The following DCAF7 variants were observed in gnomAD, a reference collection of about 807,000 sequenced individuals.
DCAF7 encodes DDB1- and CUL4-associated factor 7.
DCAF7 carries 4 observed loss-of-function variants against 41.2 expected under a neutral mutation model. That is an observed-to-expected ratio of 0.10 (90% CI 0.05 to 0.22). The LOEUF (loss-of-function observed/expected upper bound fraction) is 0.22. Among genes scored for constraint, DCAF7 ranks in the 10% least tolerant of loss-of-function variants. DCAF7 has a pLI of 1.00. For synonymous variants in DCAF7, 143 were observed against 164.2 expected (o/e 0.87, Z 0.99); for missense variants, 131 against 443.2 (o/e 0.30, Z 6.32).
chr17:63,576,885 A>G (rs2033568392), intron 1 of DCAF7, among the ~76,000 whole-genome samples: 1 of 152,246 alleles, frequency 6.6e-6, no homozygotes, highest in Non-Finnish European at 1.5e-5. Flanking sequence ...CTGCACTCGA[A>G]CCAGTGCAAC....
chr17:63,564,108 G>C (rs183591157), intron 1 of DCAF7, among the ~76,000 whole-genome samples: 1 of 149,904 alleles, frequency 6.7e-6, no homozygotes, highest in East Asian at 2.0e-4. Context: ...TGATATCTTG[G>C]GGATGACATA....
At chr17:63,554,967 G>A (rs955586598) in intron 1 of DCAF7, among the ~76,000 whole-genome samples, 2 of 152,158 alleles carry the variant, frequency 1.3e-5, no homozygotes, top group Non-Finnish European at 2.9e-5. Context: ...AACTCATTTT[G>A]TAGTCTAGCA....
At chr17:63,577,454 A>G (rs1231942475) in intron 1 of DCAF7, among the ~76,000 whole-genome samples, 1 of 152,210 alleles carries the variant, frequency 6.6e-6, no homozygotes, top group East Asian at 1.9e-4. Context: ...GCAAATGTAC[A>G]GTTAGTGTCC....
At position 63,589,449 on chromosome 17, in the gene DCAF7, T is replaced by A. The variant is rs2033712033; in HGVS notation, c.*277T>A. ...TGGTTCCTCAATTAAAAAATGTGTG[T>A]ATATTTGTTTGTCAGGCGTTGTGTT... On this transcript the variant is annotated 3_prime_UTR_variant, in exon 7 of 7. Coordinates refer to ENST00000614556, the MANE Select transcript of DCAF7 (RefSeq NM_005828.5). The A allele has an allele frequency of 2.1e-6, 1 of 466,336 alleles. No individual in the cohort carries two copies. Among genetic ancestry groups the A allele is most frequent in the Non-Finnish European group, 4.0e-6 (1 of 250,006 alleles). The allele number at this position is 466,336 out of a possible 1,614,324, so 28.9% of individuals were successfully genotyped here. A position where few individuals can be genotyped will look rare whatever the true frequency, so the allele number is the denominator to read the frequency against.
In DCAF7 at chr17:63,590,760, T is replaced by A. The variant is rs1252695909; in HGVS notation, c.*1588T>A. The A allele has an allele frequency of 6.6e-6, 1 of 152,392 alleles. No homozygotes were observed. The highest frequency in any genetic ancestry group is 2.4e-5 in the African/African-American group (1 of 41,470). The allele number at this position is 152,392 out of a possible 1,614,324, so 9.4% of individuals were successfully genotyped here. The stretch of plus-strand genomic sequence containing the variant: ...GTAGAGTAGCAGGCCTGAAGGATGA[T>A]GGTTTTGTCCTCTTTGGTTCTCACC... On this transcript the variant is annotated 3_prime_UTR_variant, in exon 7 of 7. Transcript: ENST00000614556.
In DCAF7 at chr17:63,593,619, A is replaced by G. The variant is rs1332171842; in HGVS notation, c.*4447A>G. ...ATGTGATATCTACTATTTAAAAGAA[A>G]TGTTCTCACCTTGGGTTGATTGTGG... is the stretch of plus-strand genomic sequence containing the variant. On this transcript the variant is annotated 3_prime_UTR_variant, in exon 7 of 7. Transcript: ENST00000614556. The G allele has an allele frequency of 6.5e-6, 1 of 152,696 alleles. No individual in the cohort carries two copies. 9.5% of individuals were successfully genotyped at this position (152,696 alleles called of 1,614,324 possible).
chr17:63,563,013 A>G (rs989937730), intron 1 of DCAF7, among the ~76,000 whole-genome samples: 1 of 151,804 alleles, frequency 6.6e-6, no homozygotes, highest in Non-Finnish European at 1.5e-5. Context: ...TTTTGTAGAG[A>G]TGGGATCTCG....
At chr17:63,576,646 G>A (rs1472385276) in intron 1 of DCAF7, among the ~76,000 whole-genome samples, 1 of 152,126 alleles carries the variant, frequency 6.6e-6, no homozygotes, top group Non-Finnish European at 1.5e-5. Context: ...TGGGTGCGGT[G>A]CTTACGCCTG....
intron 1 of DCAF7, among the ~76,000 whole-genome samples, chr17:63,558,727 G>A (rs1242818031): frequency 6.6e-6 from 1 of 152,158 alleles, no homozygotes; most frequent in Non-Finnish European, 1.5e-5. Flanking sequence ...AAGTGCTGGG[G>A]TTACAGGCAT....
intron 1 of DCAF7, among the ~76,000 whole-genome samples, chr17:63,571,013 C>T (rs1374690276): frequency 6.6e-6 from 1 of 152,030 alleles, no homozygotes; most frequent in African/African-American, 2.4e-5. Flanking sequence ...TGGCGAAGCC[C>T]TGTCTCTACT....
chr17:63,559,389 A>ATATATGTG (rs2033351105), intron 1 of DCAF7, among the ~76,000 whole-genome samples: 3 of 47,636 alleles, frequency 6.3e-5, no homozygotes, highest in African/African-American at 3.1e-4. Flanking sequence ...ATATATATGT[A>ATATATGTG]TATATATATG....
At chr17:63,559,902 G>T (rs1433706888) in intron 1 of DCAF7, among the ~76,000 whole-genome samples, 1 of 152,118 alleles carries the variant, frequency 6.6e-6, no homozygotes, top group Admixed American at 6.6e-5. Context: ...AGCCATGAAA[G>T]TAGAAGTAAA....
chr17:63,583,226 G>T (rs2033642755), intron 4 of DCAF7, among the ~76,000 whole-genome samples: 1 of 152,180 alleles, frequency 6.6e-6, no homozygotes, highest in Admixed American at 6.5e-5. Flanking sequence ...CAGGGCATGT[G>T]CCTTTGTTTT....
chr17:63,566,885 G>A (rs1359284406), intron 1 of DCAF7, among the ~76,000 whole-genome samples: 1 of 152,208 alleles, frequency 6.6e-6, no homozygotes, highest in East Asian at 1.9e-4. Flanking sequence ...CCGCTCTACA[G>A]TTTGGGTGAC....
chr17:63,574,185 C>T (rs1483597309), intron 1 of DCAF7, among the ~76,000 whole-genome samples: 1 of 152,210 alleles, frequency 6.6e-6, no homozygotes, highest in African/African-American at 2.4e-5. Flanking sequence ...CCTTCCCTTT[C>T]CTATTTGCCT....
At position 63,550,663 on chromosome 17, in the gene DCAF7, G is replaced by C. The variant is rs771164880; in HGVS notation, c.-15G>C. ...CCACTGTTGACCCGGCCCGTACTGC[G>C]GCCCCGTGGCCACCATGTCCCTGCA... On this transcript the variant is annotated 5_prime_UTR_variant, in exon 1 of 7. Transcript: ENST00000614556. The surrounding 1 kb of genome is among the most constrained non-coding windows in gnomAD (Gnocchi z 4.8). 1.4e-5 allele frequency: 22 copies of C among 1,612,632 alleles called. No individual in the cohort carries two copies. Among genetic ancestry groups the C allele is most frequent in the Non-Finnish European group, 1.9e-5 (22 of 1,179,590 alleles).
Position 63,550,686 on chromosome 17 carries a change from G to A in DCAF7, c.9G>A (p.Leu3=). The stretch of plus-strand genomic sequence containing the variant: ...GCGGCCCCGTGGCCACCATGTCCCT[G>A]CACGGCAAACGGAAGGAGATCTACA... MS[L]HGKRKEIYKY... The change falls in exon 1 of 7, where the codon CTG becomes CTA. Residue 3 remains leucine, a synonymous_variant. Transcript: ENST00000614556. This position sits in a 1 kb window ranked among gnomAD's most constrained non-coding sequence, Gnocchi z 4.8. 1 of 1,613,206 alleles carries A rather than the reference G, an allele frequency of 6.2e-7. No homozygotes were observed. Among genetic ancestry groups the A allele is most frequent in the South Asian group, 1.1e-5 (1 of 91,074 alleles).
chr17:63,580,363 A>G (rs908359252), intron 4 of DCAF7, among the ~76,000 whole-genome samples: 3 of 152,198 alleles, frequency 2.0e-5, no homozygotes, highest in African/African-American at 4.8e-5. Context: ...ATTTTTCTCT[A>G]TAAATGTTTT....
At chr17:63,553,046 T>A (rs553536876) in intron 1 of DCAF7, among the ~76,000 whole-genome samples, 1 of 152,338 alleles carries the variant, frequency 6.6e-6, no homozygotes, top group African/African-American at 2.4e-5. Context: ...AGACCCCTTC[T>A]CATAGTTATG....
Sources: allele counts gnomAD v4.1 joint callset (sites outside exome capture counted in the v4.1 genomes callset), GRCh38; gene constraint gnomAD v4.1.1; non-coding constraint Gnocchi (gnomAD v3.1); transcripts MANE v1.5; gene names NCBI Gene and HGNC (gene_info 2026-07-23, HGNC 2026-07-21).